The following RBFOX1 variants were observed in gnomAD, a reference collection of about 807,000 sequenced individuals.
RBFOX1 encodes RNA binding fox-1 homolog 1, also known as RNA binding protein fox-1 homolog 1.
RBFOX1 carries 8 observed loss-of-function variants against 57.7 expected under a neutral mutation model. That is an observed-to-expected ratio of 0.14 (90% CI 0.08 to 0.25). The LOEUF (loss-of-function observed/expected upper bound fraction) is 0.25, where lower values mean the gene tolerates loss of function less well. Among genes scored for constraint, RBFOX1 ranks in the 10% least tolerant of loss-of-function variants. The pLI is 1.00. For synonymous variants in RBFOX1, 326 were observed against 222.4 expected (o/e 1.47, Z -4.15); for missense variants, 611 against 548.5 (o/e 1.11, Z -1.14).
At chr16:7,155,736 TATACACACAC>T (rs2076974380) in intron 4 of RBFOX1, among the ~76,000 whole-genome samples, 9 of 83,398 alleles carry the variant, frequency 1.1e-4, no homozygotes, top group South Asian at 4.4e-4. Flanking sequence ...TATATATATA[TATACACACAC>T]ACACACACAC....
intron 1 of RBFOX1, among the ~76,000 whole-genome samples, chr16:6,171,544 G>T (rs1023193795): frequency 6.6e-5 from 10 of 152,178 alleles, no homozygotes; most frequent in Admixed American, 6.5e-5. Context: ...CCAGCAGTTA[G>T]ATTTGGAGTG....
chr16:7,332,721 C>T, intron 4 of RBFOX1: 2 of 1,234,928 alleles, frequency 1.6e-6, no homozygotes, highest in South Asian at 1.9e-5. Context: ...TTTGGTTAGT[C>T]ATGTTAGGCA....
intron 4 of RBFOX1, among the ~76,000 whole-genome samples, chr16:7,470,745 A>C (rs2150912827): frequency 6.6e-6 from 1 of 152,254 alleles, no homozygotes; most frequent in Admixed American, 6.5e-5. Context: ...GAGCCCAAGC[A>C]GATTCCTCAA....
At chr16:6,676,142 G>GCGCACACA (rs1197461775) in intron 3 of RBFOX1, among the ~76,000 whole-genome samples, 16 of 145,968 alleles carry the variant, frequency 1.1e-4, no homozygotes, top group African/African-American at 3.1e-4. Context: ...ACACACACGC[G>GCGCACACA]CACACACACA....
At chr16:7,332,186 C>G (rs990964657) in intron 4 of RBFOX1, among the ~76,000 whole-genome samples, 6 of 152,196 alleles carry the variant, frequency 3.9e-5, no homozygotes, top group African/African-American at 4.8e-5. Context: ...CTGCCTTGTA[C>G]GAGCTATGTG....
chr16:7,523,590 G>C (rs1445150358), intron 5 of RBFOX1, among the ~76,000 whole-genome samples: 5 of 152,156 alleles, frequency 3.3e-5, no homozygotes, highest in Non-Finnish European at 7.3e-5. Context: ...AGCAATGTTT[G>C]GATGGTACAC....
At chr16:6,225,757 A>T (rs2097412177) in intron 1 of RBFOX1, among the ~76,000 whole-genome samples, 2 of 152,232 alleles carry the variant, frequency 1.3e-5, no homozygotes, top group African/African-American at 4.8e-5. Context: ...ACCAGCTTTA[A>T]CAAAATGGAT....
intron 4 of RBFOX1, among the ~76,000 whole-genome samples, chr16:7,455,502 T>G (rs536413827): frequency 1.2e-4 from 18 of 152,230 alleles, no homozygotes; most frequent in African/African-American, 4.3e-4. Context: ...GAAATCTTAT[T>G]CACACTTGGC....
chr16:5,403,470 G>A (rs1476884476), intron 1 of RBFOX1, among the ~76,000 whole-genome samples: 1 of 151,972 alleles, frequency 6.6e-6, no homozygotes, highest in African/African-American at 2.4e-5. Context: ...TTGAGACGGA[G>A]TGTCACTGTG....
chr16:6,322,443 G>A, intron 2 of RBFOX1, among the ~76,000 whole-genome samples: 1 of 151,754 alleles, frequency 6.6e-6, no homozygotes, highest in Admixed American at 6.6e-5. Context: ...TCACCAGTTG[G>A]GATAGCCTTT....
At chr16:5,891,271 G>A (rs566563867) in intron 4 of RBFOX1, among the ~76,000 whole-genome samples, 3 of 152,278 alleles carry the variant, frequency 2.0e-5, no homozygotes, top group African/African-American at 7.2e-5. Context: ...GGGCACGGGA[G>A]GAGCTGTCGG....
chr16:6,915,619 C>G (rs1597116412), intron 3 of RBFOX1, among the ~76,000 whole-genome samples: 2 of 146,436 alleles, frequency 1.4e-5, no homozygotes, highest in East Asian at 2.1e-4. Context: ...GCCATGATCT[C>G]AGGTCACTGC....
chr16:7,219,192 G>A (rs2092523422), intron 4 of RBFOX1, among the ~76,000 whole-genome samples: 1 of 152,128 alleles, frequency 6.6e-6, no homozygotes, highest in Non-Finnish European at 1.5e-5. Flanking sequence ...CATACACATT[G>A]ACATAATTAA....
chr16:6,953,366 T>C (rs1450074200), intron 3 of RBFOX1, among the ~76,000 whole-genome samples: 1 of 114,226 alleles, frequency 8.8e-6, no homozygotes, highest in Non-Finnish European at 1.7e-5. Flanking sequence ...ATGTTTCCCA[T>C]ATACATGATT....
intron 4 of RBFOX1, among the ~76,000 whole-genome samples, chr16:7,053,943 T>G (rs1303804091): frequency 2.0e-5 from 3 of 152,064 alleles, no homozygotes; most frequent in Non-Finnish European, 4.4e-5. Context: ...GGTTCAAAAT[T>G]TAAATAGTAC....
At chr16:6,601,976 C>T (rs2097858670) in intron 2 of RBFOX1, among the ~76,000 whole-genome samples, 1 of 151,928 alleles carries the variant, frequency 6.6e-6, no homozygotes, top group South Asian at 2.1e-4. Context: ...AACAACTCTT[C>T]TCTCTTGTCA....
At chr16:6,942,853 C>T (rs1462305522) in intron 3 of RBFOX1, among the ~76,000 whole-genome samples, 3 of 152,184 alleles carry the variant, frequency 2.0e-5, no homozygotes, top group South Asian at 2.1e-4. Flanking sequence ...GAGGACAGTC[C>T]TTCTACATGG....
intron 3 of RBFOX1, among the ~76,000 whole-genome samples, chr16:5,645,899 C>T (rs2049036018): frequency 1.3e-5 from 2 of 152,178 alleles, no homozygotes; most frequent in Non-Finnish European, 2.9e-5. Context: ...CAATGGCGTG[C>T]ATCATAGCTC....
At chr16:6,254,276 C>T (rs993134161) in intron 1 of RBFOX1, among the ~76,000 whole-genome samples, 5 of 152,054 alleles carry the variant, frequency 3.3e-5, no homozygotes, top group South Asian at 2.1e-4. Flanking sequence ...TCAGGGAGAA[C>T]GTTTATCTCT....
Sources: allele counts gnomAD v4.1 joint callset (sites outside exome capture counted in the v4.1 genomes callset), GRCh38; gene constraint gnomAD v4.1.1; transcripts MANE v1.5; gene names NCBI Gene and HGNC (gene_info 2026-07-23, HGNC 2026-07-21).